Variants in FAM169A observed in about 807,000 individuals in gnomAD.
The protein encoded by FAM169A is family with sequence similarity 169 member A.
A neutral mutation model predicts 75.7 loss-of-function variants in FAM169A; 24 were observed. The ratio of observed to expected loss-of-function variants is 0.32; its 90% confidence interval spans 0.23 to 0.45. The LOEUF (loss-of-function observed/expected upper bound fraction) is 0.45. FAM169A is among the 20% of genes least tolerant of loss of function. FAM169A has a pLI of 1.00. For synonymous variants in FAM169A, 271 were observed against 271.0 expected, an observed-to-expected ratio of 1.00 and a Z score of 0.00; for missense variants, 673 against 784.0, an observed-to-expected ratio of 0.86 and a Z score of 1.69.
intron 1 of FAM169A, among the ~76,000 whole-genome samples, chr5:74,864,298 T>C (rs1170358810): frequency 6.6e-6 from 1 of 152,260 alleles, no homozygotes; most frequent in Non-Finnish European, 1.5e-5. Context: ...GGGCACGATC[T>C]CGGCTCACCG....
intron 1 of FAM169A, among the ~76,000 whole-genome samples, chr5:74,865,070 T>C (rs987341717): frequency 4.6e-5 from 7 of 152,246 alleles, no homozygotes; most frequent in African/African-American, 1.4e-4. Flanking sequence ...GTGTGCATTA[T>C]GCAACAGCCA....
chr5:74,786,111 T>C (rs1745683389), intron 11 of FAM169A, among the ~76,000 whole-genome samples: 1 of 152,112 alleles, frequency 6.6e-6, no homozygotes, highest in Non-Finnish European at 1.5e-5. Flanking sequence ...CCTACATCTT[T>C]CTCCTGTGCT....
chr5:74,799,339 G>C lies in FAM169A; in HGVS notation c.1103+1541C>G, dbSNP rs189726036. On this transcript the variant is annotated intron_variant, in intron 10 of 12. Coordinates refer to ENST00000687041, the MANE Select transcript of FAM169A (RefSeq NM_001376049.1). ...AGAGAACAAATTTGCTGTGGGAAGT[G>C]AAGCACGACTCATTTCAGTTTGTTA... The C allele has an allele frequency of 4.4e-6, 7 of 1,608,874 alleles. No individual in the cohort carries two copies. The East Asian group carries it at 1.6e-4, about 36-fold the overall frequency.
At position 74,805,089 on chromosome 5, in the gene FAM169A, G is replaced by A; in HGVS notation, c.799+67C>T. 1.5e-5 allele frequency: 21 copies of A among 1,402,850 alleles called. No individual in the cohort carries two copies. The South Asian group carries it at 2.3e-4, about 15-fold the overall frequency. 86.9% of individuals were successfully genotyped at this position (1,402,850 alleles called of 1,614,324 possible). A position where few individuals can be genotyped will look rare whatever the true frequency, so the allele number is the denominator to read the frequency against. ...CTCTGCTTTTTAAACTGGACTTATG[G>A]GCCAGCAAGGACAGGCTACCAAAAA... On this transcript the variant is annotated intron_variant, in intron 7 of 12. Coordinates refer to ENST00000687041, the MANE Select transcript of FAM169A (RefSeq NM_001376049.1).
At chr5:74,793,323 C>CAAA (rs916752737) in intron 11 of FAM169A, among the ~76,000 whole-genome samples, 2 of 65,422 alleles carry the variant, frequency 3.1e-5, no homozygotes, top group African/African-American at 5.7e-5. Flanking sequence ...GAGTCCATTT[C>CAAA]AAAAAAAAAA....
At chr5:74,789,185 A>G (rs942698210) in intron 11 of FAM169A, among the ~76,000 whole-genome samples, 1 of 152,210 alleles carries the variant, frequency 6.6e-6, no homozygotes, top group African/African-American at 2.4e-5. Context: ...ACACTGGCCC[A>G]TAACATTGAT....
intron 5 of FAM169A, among the ~76,000 whole-genome samples, chr5:74,826,978 T>C (rs963752634): frequency 4.6e-5 from 7 of 152,198 alleles, no homozygotes; most frequent in Admixed American, 6.5e-5. Context: ...AGTTACTTTA[T>C]AGAATAACTC....
At chr5:74,850,698 C>A (rs566735937) in intron 1 of FAM169A, among the ~76,000 whole-genome samples, 170 of 152,224 alleles carry the variant, frequency 1.1e-3, no homozygotes, top group African/African-American at 3.9e-3. Context: ...AGAAATCAAT[C>A]AAAACTTTTG....
At chr5:74,839,176 A>G in intron 3 of FAM169A, 126 bp from the exon 4 acceptor site, 6 of 667,824 alleles carry the variant, frequency 9.0e-6, no homozygotes, top group Non-Finnish European at 1.5e-5. Flanking sequence ...AAACCTTACC[A>G]AATAGTAATA....
chr5:74,824,600 C>T (rs921925692), intron 5 of FAM169A, among the ~76,000 whole-genome samples: 2 of 150,766 alleles, frequency 1.3e-5, no homozygotes, highest in African/African-American at 2.4e-5. Flanking sequence ...ATGTATACTT[C>T]TTGTTTTTAA....
chr5:74,791,838 A>G (rs1745993290), intron 11 of FAM169A, among the ~76,000 whole-genome samples: 1 of 152,266 alleles, frequency 6.6e-6, no homozygotes, highest in Non-Finnish European at 1.5e-5. Flanking sequence ...CAGAATGAGT[A>G]GCAGAAGAAG....
At chr5:74,813,469 G>C (rs1487059913) in intron 6 of FAM169A, among the ~76,000 whole-genome samples, 1 of 151,870 alleles carries the variant, frequency 6.6e-6, no homozygotes, top group African/African-American at 2.4e-5. Flanking sequence ...TGGGATCACA[G>C]GCACGTGCCA....
chr5:74,832,297 AAAAC>A (rs1389625431), intron 5 of FAM169A, among the ~76,000 whole-genome samples: 4 of 152,004 alleles, frequency 2.6e-5, no homozygotes, highest in South Asian at 2.1e-4. Flanking sequence ...CCTAACCCAA[AAAAC>A]AAACAAACTG....
intron 1 of FAM169A, among the ~76,000 whole-genome samples, chr5:74,853,323 C>G (rs1354861704): frequency 2.6e-5 from 4 of 152,068 alleles, no homozygotes; most frequent in African/African-American, 4.8e-5. Flanking sequence ...TATCTTGCAC[C>G]TCGCATTGTG....
At chr5:74,857,570 G>A (rs1483382862) in intron 1 of FAM169A, among the ~76,000 whole-genome samples, 14 of 60,864 alleles carry the variant, frequency 2.3e-4, no homozygotes, top group African/African-American at 9.3e-4. Context: ...ACCTTGCCGC[G>A]GGAAAAAAAA....
rs1056617760 is a variant in FAM169A at position 74,834,595 on chromosome 5, C to T, written c.321G>A (p.Val107=). ...SVPSREGLKQ[V]STLGERVVLY... is the part of the protein sequence containing the mutation. ...GAACCACTCTCTCCCCAAGAGTGCTCACCTACAAAGAGAGTCAAACACCAG... is the reference window on the plus strand; with the variant it reads ...GAACCACTCTCTCCCCAAGAGTGCTTACCTACAAAGAGAGTCAAACACCAG... Residue 107 remains valine (V), a splice_region_variant and synonymous_variant, in exon 5 of 13, where the codon GTG becomes GTA. Coordinates refer to ENST00000687041, the MANE Select transcript of FAM169A (RefSeq NM_001376049.1). 2 of 1,545,238 alleles carry T rather than the reference C, an allele frequency of 1.3e-6. No individual in the cohort carries two copies. Among genetic ancestry groups the T allele is most frequent in the African/African-American group, 1.4e-5 (1 of 71,478 alleles).
At chr5:74,859,029 C>A (rs1749896148) in intron 1 of FAM169A, among the ~76,000 whole-genome samples, 1 of 151,976 alleles carries the variant, frequency 6.6e-6, no homozygotes, top group African/African-American at 2.4e-5. Context: ...GCCTGGCCAA[C>A]ATGGCAAAAC....
At chr5:74,843,454 T>C (rs1748987823) in intron 1 of FAM169A, among the ~76,000 whole-genome samples, 1 of 152,178 alleles carries the variant, frequency 6.6e-6, no homozygotes, top group Non-Finnish European at 1.5e-5. Flanking sequence ...AAAACTTCTA[T>C]AATTAAAACA....
Position 74,796,079 on chromosome 5 carries a change from C to A in FAM169A, c.1211G>T (p.Arg404Leu). The A allele has an allele frequency of 6.2e-7, 1 of 1,614,072 alleles. No individual in the cohort carries two copies. The highest frequency in any genetic ancestry group is 8.5e-7 in the Non-Finnish European group (1 of 1,179,982). The change falls in exon 11 of 13, where the codon CGG (arginine) becomes CTG (leucine). Residue 404 changes from arginine (R) to leucine (L), a missense_variant. Physicochemically the swap from Arg to Leu is moderately radical, Grantham distance 102 (BLOSUM62 -2). This residue lies in a region of FAM169A where 510 missense variants were observed against 550.9 expected (regional missense o/e 0.93). Transcript: ENST00000687041. ...CTGTGGCTGGGTTTCCAGTGCTGGC[C>A]GTGCATCTCTATCACTGCTTTCATC... ...FEDESSDRDA[R>L]PALETQPQQE...
Sources: allele counts gnomAD v4.1 joint callset (sites outside exome capture counted in the v4.1 genomes callset), GRCh38; gene constraint gnomAD v4.1.1; regional missense constraint gnomAD v4.1.1; transcripts MANE v1.5; gene names NCBI Gene and HGNC (gene_info 2026-07-23, HGNC 2026-07-21).